The following RABGAP1 variants were observed in gnomAD, a reference collection of about 807,000 sequenced individuals.
The protein encoded by RABGAP1 is RAB GTPase activating protein 1, also known as rab GTPase-activating protein 1.
In RABGAP1, 23 loss-of-function variants were observed where a neutral mutation model predicts 137.6. The ratio of observed to expected loss-of-function variants is 0.17; its 90% CI spans 0.12 to 0.24. The LOEUF (loss-of-function observed/expected upper bound fraction) is 0.24, where lower values mean the gene tolerates loss of function less well. Ranked by LOEUF, RABGAP1 falls within the 10% of genes least tolerant of loss-of-function variation. The pLI is 1.00. For synonymous variants in RABGAP1, 451 were observed against 450.7 expected (o/e 1.00, Z -0.01); for missense variants, 906 against 1,275.8 (o/e 0.71, Z 4.42).
chr9:122,942,684 A>AAAAAAC (rs1554781071), intron 1 of RABGAP1, among the ~76,000 whole-genome samples: 4 of 151,250 alleles, frequency 2.6e-5, no homozygotes, highest in Non-Finnish European at 5.9e-5. Flanking sequence ...AAAAAAAAAA[A>AAAAAAC]AAAACACAAA....
At chr9:123,082,776 C>G (rs2034751488) in intron 19 of RABGAP1, among the ~76,000 whole-genome samples, 1 of 152,214 alleles carries the variant, frequency 6.6e-6, no homozygotes. Flanking sequence ...AGTACAAAAA[C>G]CAAATAGCAG....
rs1403663497 is a variant in RABGAP1, at chr9:123,017,529, T to C, written c.1643+1893T>C. The stretch of plus-strand genomic sequence containing the variant: ...ATTTGTGTTCTATGGATATGTGTTC[T>C]ATGGGTAAGAAGCATTGTAATAATG... On this transcript the variant is annotated intron_variant, in intron 12 of 25. Coordinates refer to ENST00000373647, the MANE Select transcript of RABGAP1 (RefSeq NM_012197.4). Among the ~76,000 whole-genome samples, 5 of 152,344 alleles carry C rather than the reference T, an allele frequency of 3.3e-5. No homozygotes were observed. The East Asian group carries it at 7.7e-4, about 23-fold the overall frequency.
At chr9:123,039,433 A>G (rs984133084) in intron 13 of RABGAP1, among the ~76,000 whole-genome samples, 2 of 152,306 alleles carry the variant, frequency 1.3e-5, no homozygotes, top group Admixed American at 1.3e-4. Context: ...GAATGAATAA[A>G]TGACTCTGTA....
chr9:122,972,595 A>G (rs1835526841), intron 2 of RABGAP1, among the ~76,000 whole-genome samples: 1 of 152,120 alleles, frequency 6.6e-6, no homozygotes, highest in African/African-American at 2.4e-5. Flanking sequence ...TTCTTATTCA[A>G]AGTTTTGGGT....
intron 19 of RABGAP1, among the ~76,000 whole-genome samples, chr9:123,081,412 AAGAT>A (rs1238075267): frequency 6.6e-6 from 1 of 152,102 alleles, no homozygotes; most frequent in East Asian, 1.9e-4. Context: ...GTCTAGGAAA[AAGAT>A]AGCTACTTTT....
At chr9:123,040,876 T>C (rs1251327278) in intron 13 of RABGAP1, among the ~76,000 whole-genome samples, 1 of 152,136 alleles carries the variant, frequency 6.6e-6, no homozygotes, top group Non-Finnish European at 1.5e-5. Flanking sequence ...GAAAGGACCT[T>C]AGGAATCATT....
At chr9:123,052,193 A>G (rs1191510355) in intron 13 of RABGAP1, among the ~76,000 whole-genome samples, 1 of 152,146 alleles carries the variant, frequency 6.6e-6, no homozygotes, top group Non-Finnish European at 1.5e-5. Context: ...CAATATGTTC[A>G]TTTGGATTAA....
In RABGAP1 at chr9:123,103,187, G is replaced by A. The variant is rs749348336; in HGVS notation, c.3184G>A (p.Gly1062Arg). The stretch of plus-strand genomic sequence containing the variant: ...ACTGAGCTCCATAAAGACAGCAACC[G>A]GGGTTCAAGGGAAAGAGACTTGCTG... Reference protein sequence around the residue: ...RTLSSIKTATGVQGKETC With the variant: ...RTLSSIKTATRVQGKETC The change falls in exon 26 of 26, where the codon GGG becomes AGG. Residue 1062 changes from glycine (G) to arginine (R), a missense_variant. Gly to Arg is a moderately radical substitution (Grantham distance 125). Around this residue, in one of 9 missense-constraint regions of RABGAP1, gnomAD observed 193 missense variants for 248.1 expected, o/e 0.78. Coordinates refer to ENST00000373647, the MANE Select transcript of RABGAP1 (RefSeq NM_012197.4). 8 of 1,614,088 alleles carry A rather than the reference G, an allele frequency of 5.0e-6. No individual in the cohort carries two copies. Among genetic ancestry groups the A allele is most frequent in the Non-Finnish European group, 6.8e-6 (8 of 1,179,962 alleles).
chr9:123,034,974 C>T (rs1190666384), intron 13 of RABGAP1: 5 of 1,613,752 alleles, frequency 3.1e-6, no homozygotes, highest in African/African-American at 1.3e-5. Flanking sequence ...AACCTTTAAC[C>T]TATAATACTC....
chr9:122,997,291 G>T lies in RABGAP1; in HGVS notation c.1134G>T (p.Ser378=). 3 of 1,610,186 alleles carry T rather than the reference G, an allele frequency of 1.9e-6. No homozygotes were observed. In the African/African-American group the frequency reaches 4.0e-5, roughly 22 times the overall value. The change falls in exon 9 of 26, where the codon TCG becomes TCT. Residue 378 remains serine, a synonymous_variant. Coordinates refer to ENST00000373647, the MANE Select transcript of RABGAP1 (RefSeq NM_012197.4). ...ESMGKSSDGK[S]YVITGSWNPK... ...TGGGCAAAAGTTCAGATGGAAAGTC[G>T]TATGTTATTACGGGGAGCTGGAATC... is the stretch of plus-strand genomic sequence containing the variant.
intron 6 of RABGAP1, among the ~76,000 whole-genome samples, chr9:122,991,040 A>C (rs1836698662): frequency 6.6e-6 from 1 of 151,462 alleles, no homozygotes; most frequent in South Asian, 2.1e-4. Flanking sequence ...TAGGGTTAGA[A>C]GTGACTGATT....
At position 123,089,982 on chromosome 9, in the gene RABGAP1, T is replaced by G. The variant is rs114623885; in HGVS notation, c.2517+132T>G. ...TAGGTTCAGGTTTGAGTTTGCAAAT[T>G]AGCAAGCAAGATCTGTTTTTGCTTC... On this transcript the variant is annotated intron_variant, in intron 20 of 25. Coordinates refer to ENST00000373647, the MANE Select transcript of RABGAP1 (RefSeq NM_012197.4). 732 of 840,098 alleles carry G rather than the reference T, an allele frequency of 8.7e-4. 9 individuals are homozygous for G. In the African/African-American group the frequency reaches 0.011, roughly 13 times the overall value. The allele number at this position is 840,098 out of a possible 1,614,324, so 52.0% of individuals were successfully genotyped here.
At chr9:123,081,908 T>C (rs1423798577) in intron 19 of RABGAP1, among the ~76,000 whole-genome samples, 1 of 152,210 alleles carries the variant, frequency 6.6e-6, no homozygotes, top group Non-Finnish European at 1.5e-5. Flanking sequence ...CTAGTAGAAC[T>C]GAGGCCTCTG....
rs1473399148 is a variant in RABGAP1 at position 123,074,389 on chromosome 9, C to T, written c.2214C>T (p.Leu738=). ...CTCTTTTCACTGCAAAATTCCCTCT[C>T]TACATGGTCTTCCATATCATCGACC... ...FLTLFTAKFP[L]YMVFHIIDLL... Residue 738 remains leucine, a synonymous_variant, in exon 17 of 26, where the codon CTC becomes CTT. Coordinates refer to ENST00000373647, the MANE Select transcript of RABGAP1 (RefSeq NM_012197.4). The T allele has an allele frequency of 6.2e-7, 1 of 1,613,406 alleles. No homozygotes were observed.
At chr9:122,975,026 A>G (rs1835690168) in intron 2 of RABGAP1, among the ~76,000 whole-genome samples, 1 of 152,226 alleles carries the variant, frequency 6.6e-6, no homozygotes, top group Non-Finnish European at 1.5e-5. Flanking sequence ...ATTTAGTGTT[A>G]TAAGTAACAT....
chr9:123,070,263 GGTT>G lies in RABGAP1; in HGVS notation c.1909-86_1909-84del. On this transcript the variant is annotated intron_variant, in intron 14 of 25. Transcript: ENST00000373647. This position sits in a 1 kb window ranked among gnomAD's most constrained non-coding sequence, Gnocchi z 4.4. ...TCCCAGTGTGGGTAGCATCCTCCAG[GGTT>G]CTGTATTCAAGGTCCTATAGTGCCA... 6.3e-7 allele frequency: 1 copy of G among 1,580,664 alleles called. No individual in the cohort carries two copies. The highest frequency in any genetic ancestry group is 8.6e-7 in the Non-Finnish European group (1 of 1,163,898).
At chr9:122,971,294 T>G (rs1262983626) in intron 2 of RABGAP1, among the ~76,000 whole-genome samples, 1 of 152,242 alleles carries the variant, frequency 6.6e-6, no homozygotes, top group Non-Finnish European at 1.5e-5. Flanking sequence ...GAATTTACAC[T>G]GCTTGTATGT....
chr9:123,029,696 T>C (rs1588297253), intron 13 of RABGAP1: 2 of 670,682 alleles, frequency 3.0e-6, no homozygotes, highest in East Asian at 7.1e-5. Flanking sequence ...ACTGGGTCTT[T>C]GTCTTTCTTG....
At chr9:122,983,506 G>A (rs1286707703) in intron 2 of RABGAP1, among the ~76,000 whole-genome samples, 1 of 152,168 alleles carries the variant, frequency 6.6e-6, no homozygotes, top group Non-Finnish European at 1.5e-5. Flanking sequence ...ATCAATAAAA[G>A]TACTTGAATT....
Sources: gnomAD v4.1 joint callset for allele counts (sites outside exome capture counted in the v4.1 genomes callset) on GRCh38, gnomAD v4.1.1 for gene constraint, gnomAD v4.1.1 regional missense constraint, Gnocchi (gnomAD v3.1) non-coding constraint, MANE v1.5 for transcripts, NCBI Gene and HGNC (gene_info 2026-07-23, HGNC 2026-07-21) for gene names.